SCHIP1: variants seen among roughly 807,000 people sequenced by gnomAD.
The protein encoded by SCHIP1 is schwannomin-interacting protein 1.
SCHIP1 carries 8 observed loss-of-function variants against 29.7 expected under a neutral mutation model. The ratio of observed to expected loss-of-function variants is 0.27; its 90% CI spans 0.16 to 0.49. The LOEUF is 0.49. Ranked by LOEUF, SCHIP1 falls within the 20% of genes least tolerant of loss-of-function variation. The pLI, the probability that SCHIP1 is intolerant of heterozygous loss-of-function variation, is 0.99. For missense variants in SCHIP1, 193 were observed against 294.6 expected, an observed-to-expected ratio of 0.66 and a Z score of 2.52; for synonymous variants, 76 against 94.9, an observed-to-expected ratio of 0.80 and a Z score of 1.16.
chr3:159,635,150 G>A, the SCHIP1 span, among the ~76,000 whole-genome samples: 1 of 152,122 alleles, frequency 6.6e-6, no homozygotes, highest in African/African-American at 2.4e-5. Flanking sequence ...AATCCATCTG[G>A]AGGCTGTTTC....
intron 5 of SCHIP1, among the ~76,000 whole-genome samples, chr3:159,890,175 G>A (rs900939454): frequency 3.3e-5 from 5 of 152,050 alleles, no homozygotes; most frequent in African/African-American, 1.2e-4. Context: ...ATAAAATAAT[G>A]TGATAGCTGG....
chr3:159,799,036 G>A, the SCHIP1 span, among the ~76,000 whole-genome samples: 2 of 152,206 alleles, frequency 1.3e-5, no homozygotes, highest in Non-Finnish European at 2.9e-5. Flanking sequence ...AATGAGAGGA[G>A]TTGGGTAATG....
the SCHIP1 span, among the ~76,000 whole-genome samples, chr3:159,455,202 T>C: frequency 6.6e-6 from 1 of 152,192 alleles, no homozygotes; most frequent in Non-Finnish European, 1.5e-5. Flanking sequence ...GGGATGCATT[T>C]TTTACCTAGA....
the SCHIP1 span, among the ~76,000 whole-genome samples, chr3:159,633,750 C>T: frequency 2.0e-5 from 3 of 152,024 alleles, no homozygotes; most frequent in Admixed American, 2.0e-4. Flanking sequence ...TTAGGAAGTA[C>T]ATTGAGAATT....
the SCHIP1 span, among the ~76,000 whole-genome samples, chr3:159,828,628 C>G: frequency 1.3e-5 from 2 of 151,362 alleles, no homozygotes; most frequent in African/African-American, 4.9e-5. Context: ...ACACAATAGT[C>G]CACTAGAGGG....
At chr3:159,702,223 T>A in the SCHIP1 span, among the ~76,000 whole-genome samples, 1 of 152,214 alleles carries the variant, frequency 6.6e-6, no homozygotes, top group African/African-American at 2.4e-5. Flanking sequence ...AATTGGTCAT[T>A]GTTCCTGAAT....
the SCHIP1 span, among the ~76,000 whole-genome samples, chr3:159,809,810 G>C: frequency 6.6e-6 from 1 of 152,122 alleles, no homozygotes; most frequent in African/African-American, 2.4e-5. Flanking sequence ...AGACCAGCCT[G>C]GGCAACATGG....
chr3:159,607,805 A>C, the SCHIP1 span, among the ~76,000 whole-genome samples: 2 of 152,306 alleles, frequency 1.3e-5, no homozygotes, highest in Non-Finnish European at 2.9e-5. Context: ...TTTGTGTTCC[A>C]TAATGTAATG....
chr3:159,355,224 C>T, the SCHIP1 span, among the ~76,000 whole-genome samples: 4 of 151,732 alleles, frequency 2.6e-5, no homozygotes, highest in African/African-American at 9.7e-5. Context: ...AAACCTCCCT[C>T]CCCCTACACC....
chr3:159,273,674 A>G, the SCHIP1 span: 1 of 1,385,194 alleles, frequency 7.2e-7, no homozygotes, highest in Admixed American at 3.0e-5. Flanking sequence ...CCGAAGGGCA[A>G]AAGCATCACT....
At chr3:159,583,830 C>A in the SCHIP1 span, among the ~76,000 whole-genome samples, 2 of 152,120 alleles carry the variant, frequency 1.3e-5, no homozygotes, top group African/African-American at 4.8e-5. Flanking sequence ...GCCCAGTTGT[C>A]CTCTCTTGCT....
upstream of SCHIP1, among the ~76,000 whole-genome samples, chr3:159,834,875 A>G (rs1275094049): frequency 2.0e-5 from 3 of 152,226 alleles, no homozygotes; most frequent in Non-Finnish European, 4.4e-5. Flanking sequence ...CATCCCTAAG[A>G]TATTTCATTA....
chr3:159,510,427 C>A, the SCHIP1 span, among the ~76,000 whole-genome samples: 4 of 152,296 alleles, frequency 2.6e-5, no homozygotes, highest in Non-Finnish European at 4.4e-5. Flanking sequence ...CCTCCTTTAG[C>A]TCGGGGAAGT....
chr3:159,815,036 C>A, the SCHIP1 span, among the ~76,000 whole-genome samples: 5 of 152,298 alleles, frequency 3.3e-5, no homozygotes, highest in Admixed American at 3.3e-4. Flanking sequence ...TAATCCAAAT[C>A]ATCTGAACCC....
chr3:159,552,831 A>G, the SCHIP1 span, among the ~76,000 whole-genome samples: 36 of 152,350 alleles, frequency 2.4e-4, no homozygotes, highest in East Asian at 5.4e-3. Context: ...TGATTTGAAG[A>G]ACTTCCTTTA....
intron 2 of SCHIP1, among the ~76,000 whole-genome samples, chr3:159,874,135 A>G (rs533455466): frequency 6.6e-6 from 1 of 152,332 alleles, no homozygotes; most frequent in Non-Finnish European, 1.5e-5. Context: ...ACCTTTTCTC[A>G]GAGTAACCAC....
intron 2 of SCHIP1, among the ~76,000 whole-genome samples, chr3:159,867,999 G>T (rs954112351): frequency 1.4e-5 from 2 of 143,050 alleles, no homozygotes; most frequent in Non-Finnish European, 3.0e-5. Context: ...ATAAATCAAT[G>T]ATTTATATAT....
At chr3:159,853,543 CCA>C (rs1712934455) in intron 1 of SCHIP1, 1 of 572,670 alleles carries the variant, frequency 1.7e-6, no homozygotes. Flanking sequence ...TGGCCAAATT[CCA>C]CACTCAGTGG....
chr3:159,550,605 A>G, the SCHIP1 span, among the ~76,000 whole-genome samples: 2 of 152,104 alleles, frequency 1.3e-5, no homozygotes, highest in African/African-American at 4.8e-5. Flanking sequence ...GTTTCCTTAT[A>G]TTTAAGTCTT....
Sources: allele counts gnomAD v4.1 joint callset (sites outside exome capture counted in the v4.1 genomes callset), GRCh38; gene constraint gnomAD v4.1.1; transcripts MANE v1.5; gene names NCBI Gene and HGNC (gene_info 2026-07-23, HGNC 2026-07-21).